IGSF11: variants seen among roughly 807,000 people sequenced by gnomAD.
IGSF11 encodes immunoglobulin superfamily member 11, also known as CXADR like 1.
IGSF11 carries 22 observed loss-of-function variants against 41.0 expected under a neutral mutation model. The observed-to-expected ratio is 0.54, with a 90% CI of 0.38 to 0.77. The LOEUF is 0.77. Among genes scored for constraint, IGSF11 ranks in the 30% least tolerant of loss-of-function variants. The pLI is 0.00. For missense variants in IGSF11, 444 were observed against 530.8 expected, an observed-to-expected ratio of 0.84 and a Z score of 1.61; for synonymous variants, 219 against 201.3, an observed-to-expected ratio of 1.09 and a Z score of -0.74.
At position 119,113,360 on chromosome 3, in the gene IGSF11, C is replaced by G. The variant is rs573055954; in HGVS notation, c.-13-8155G>C. On this transcript the variant is annotated intron_variant, in intron 1 of 7. Transcript: ENST00000425327. Reference sequence around the variant, plus strand: ...TAACTCAAAACCAGTTAGTTATTTACAAGATACAATGAGGATATGGGCATT... The same window carrying G: ...TAACTCAAAACCAGTTAGTTATTTAGAAGATACAATGAGGATATGGGCATT... 3.9e-5 allele frequency among the ~76,000 whole-genome samples: 6 copies of G among 152,274 alleles called. No homozygotes were observed. The South Asian group carries it at 1.2e-3, about 32-fold the overall frequency.
chr3:119,125,522 G>C (rs538441677), intron 1 of IGSF11, among the ~76,000 whole-genome samples: 2 of 151,994 alleles, frequency 1.3e-5, no homozygotes, highest in African/African-American at 4.8e-5. Context: ...TCACAAGGGC[G>C]GGACGGTGTA....
chr3:118,977,461 C>T (rs1576537028), intron 1 of IGSF11, among the ~76,000 whole-genome samples: 1 of 152,276 alleles, frequency 6.6e-6, no homozygotes, highest in East Asian at 1.9e-4. Flanking sequence ...TTAGAGGCAT[C>T]TCCTAATGTC....
At chr3:118,947,372 G>A (rs1242086698) in intron 1 of IGSF11, 1 of 152,210 alleles carries the variant, frequency 6.6e-6, no homozygotes, top group African/African-American at 2.4e-5. Context: ...CAAAAGAGCA[G>A]TAATTATAAA....
intron 1 of IGSF11, among the ~76,000 whole-genome samples, chr3:119,050,903 A>T (rs1210834212): frequency 6.6e-6 from 1 of 151,014 alleles, no homozygotes; most frequent in Non-Finnish European, 1.5e-5. Flanking sequence ...AGGACAAAAA[A>T]CCAAACACCG....
intron 1 of IGSF11, chr3:118,947,745 T>A (rs1055728270): frequency 1.3e-5 from 2 of 152,206 alleles, no homozygotes; most frequent in Non-Finnish European, 1.5e-5. Context: ...TGCCCCTTTT[T>A]AGTCACTACC....
At chr3:118,911,951 C>T (rs6802658) in intron 4 of IGSF11, among the ~76,000 whole-genome samples, 1 of 151,836 alleles carries the variant, frequency 6.6e-6, no homozygotes, top group Non-Finnish European at 1.5e-5. Context: ...CAGGCAAGCA[C>T]GAGAGATAAT....
chr3:118,908,552 G>A (rs1441420952), intron 4 of IGSF11, among the ~76,000 whole-genome samples: 1 of 152,138 alleles, frequency 6.6e-6, no homozygotes, highest in Non-Finnish European at 1.5e-5. Context: ...GTCTGCTCAG[G>A]CAGGGAAGTA....
intron 1 of IGSF11, among the ~76,000 whole-genome samples, chr3:119,063,978 T>C (rs889395828): frequency 2.6e-5 from 4 of 152,272 alleles, no homozygotes; most frequent in Non-Finnish European, 5.9e-5. Flanking sequence ...GGCCAAAAGA[T>C]GGTCTCATGG....
At chr3:119,015,070 C>T (rs1438877638) in intron 1 of IGSF11, among the ~76,000 whole-genome samples, 4 of 152,092 alleles carry the variant, frequency 2.6e-5, no homozygotes, top group Admixed American at 6.5e-5. Flanking sequence ...AAATAAGAGA[C>T]AGACATTATC....
chr3:119,018,265 A>T (rs181330135), intron 1 of IGSF11, among the ~76,000 whole-genome samples: 18 of 152,326 alleles, frequency 1.2e-4, no homozygotes, highest in African/African-American at 4.3e-4. Context: ...TGAGGATAAA[A>T]AACTCAGAAC....
intron 1 of IGSF11, among the ~76,000 whole-genome samples, chr3:118,975,295 A>T (rs945961645): frequency 6.6e-6 from 1 of 151,898 alleles, no homozygotes; most frequent in Non-Finnish European, 1.5e-5. Context: ...ATCTTTCCTT[A>T]AAAAAATTTA....
chr3:119,077,397 C>T (rs1301584058), intron 1 of IGSF11, among the ~76,000 whole-genome samples: 1 of 151,942 alleles, frequency 6.6e-6, no homozygotes, highest in Non-Finnish European at 1.5e-5. Context: ...TGCACATGTA[C>T]CCTAGAACTT....
chr3:118,936,349 A>C (rs567735226), intron 1 of IGSF11, among the ~76,000 whole-genome samples: 84 of 151,948 alleles, frequency 5.5e-4, no homozygotes, highest in Non-Finnish European at 8.5e-4. Flanking sequence ...TCTACCAAAA[A>C]TACAAAAATT....
rs779154177 is a variant in IGSF11, at chr3:118,905,576, C to T, written c.703+20G>A. On this transcript the variant is annotated intron_variant, in intron 5 of 6. Transcript: ENST00000393775. Reference sequence around the variant, plus strand: ...AGAGTTTCAGACCCATGGTTGACATCAGAATTTCCATATGCTTACGTGAAA... The same window carrying T: ...AGAGTTTCAGACCCATGGTTGACATTAGAATTTCCATATGCTTACGTGAAA... 2 of 1,613,404 alleles carry T rather than the reference C, an allele frequency of 1.2e-6. No individual in the cohort carries two copies. The highest frequency in any genetic ancestry group is 3.3e-5 in the Admixed American group (2 of 59,980).
intron 1 of IGSF11, among the ~76,000 whole-genome samples, chr3:118,981,545 T>G (rs1934717426): frequency 1.3e-5 from 2 of 152,184 alleles, no homozygotes; most frequent in African/African-American, 4.8e-5. Flanking sequence ...TTTCCAGTTC[T>G]TCACCTCTTC....
At chr3:118,914,465 T>G (rs1380844246) in intron 4 of IGSF11, among the ~76,000 whole-genome samples, 1 of 150,652 alleles carries the variant, frequency 6.6e-6, no homozygotes, top group Non-Finnish European at 1.5e-5. Context: ...GGTCAGGGAG[T>G]TCTCTTTCCG....
chr3:119,006,158 C>T (rs1174910246), intron 1 of IGSF11, among the ~76,000 whole-genome samples: 2 of 121,484 alleles, frequency 1.6e-5, no homozygotes, highest in Admixed American at 1.7e-4. Flanking sequence ...AGGCTTTGCT[C>T]GTTTCTTTTT....
chr3:119,024,446 A>G (rs1476929293), intron 1 of IGSF11, among the ~76,000 whole-genome samples: 1 of 152,196 alleles, frequency 6.6e-6, no homozygotes, highest in African/African-American at 2.4e-5. Flanking sequence ...GAGTTTATGA[A>G]TCTCAGAATT....
At chr3:119,009,885 A>G (rs1937897869) in intron 1 of IGSF11, among the ~76,000 whole-genome samples, 1 of 150,914 alleles carries the variant, frequency 6.6e-6, no homozygotes, top group Non-Finnish European at 1.5e-5. Flanking sequence ...CTACCTTGAC[A>G]TCTACCTTGA....
Sources: allele counts gnomAD v4.1 joint callset (sites outside exome capture counted in the v4.1 genomes callset), GRCh38; gene constraint gnomAD v4.1.1; transcripts MANE v1.5; gene names NCBI Gene and HGNC (gene_info 2026-07-23, HGNC 2026-07-21).